DNAI1: variants seen among roughly 807,000 people sequenced by gnomAD.
The protein encoded by DNAI1 is dynein axonemal intermediate chain 1, also known as dynein, axonemal, intermediate polypeptide 1.
In DNAI1, 67 loss-of-function variants were observed where a neutral mutation model predicts 92.0. The ratio of observed to expected loss-of-function variants is 0.73; its 90% CI spans 0.60 to 0.89. The LOEUF is 0.89. DNAI1 is among the 40% of genes least tolerant of loss of function. The pLI is 0.00. For synonymous variants in DNAI1, 323 were observed against 319.6 expected (o/e 1.01, Z -0.11); for missense variants, 839 against 866.6 (o/e 0.97, Z 0.40).
At chr9:34,470,583 A>T (rs1824118003) in intron 1 of DNAI1, among the ~76,000 whole-genome samples, 1 of 152,222 alleles carries the variant, frequency 6.6e-6, no homozygotes, top group African/African-American at 2.4e-5. Flanking sequence ...ATGCCTCAAG[A>T]TATAAGAATC....
chr9:34,464,104 A>G (rs542865805), intron 1 of DNAI1, among the ~76,000 whole-genome samples: 2 of 152,168 alleles, frequency 1.3e-5, no homozygotes, highest in African/African-American at 4.8e-5. Context: ...TTTCATATAC[A>G]CTGCCACCTC....
At chr9:34,493,731 A>G (rs1231325206) in intron 9 of DNAI1, among the ~76,000 whole-genome samples, 1 of 152,168 alleles carries the variant, frequency 6.6e-6, no homozygotes, top group Non-Finnish European at 1.5e-5. Context: ...TTTCACTTTC[A>G]GTACTTGGGT....
chr9:34,490,134 A>G lies in DNAI1; in HGVS notation c.501+10A>G, dbSNP rs765805502. ...TGTGCCTGCAGCTGGGGTACAGTAT[A>G]ATATCGCTCTGTGTCCCTCTTCTTC... On this transcript the variant is annotated intron_variant, in intron 6 of 19. Transcript: ENST00000242317. The G allele has an allele frequency of 2.5e-6, 4 of 1,613,790 alleles. No homozygotes were observed. The highest frequency in any genetic ancestry group is 3.4e-6 in the Non-Finnish European group (4 of 1,179,874).
At chr9:34,493,383 C>T (rs1286911622) in intron 9 of DNAI1, 55 bp downstream of exon 9, 3 of 1,612,550 alleles carry the variant, frequency 1.9e-6, no homozygotes, top group Non-Finnish European at 2.5e-6. Context: ...AGGCCTTGGC[C>T]TCTGGGTAGA....
intron 1 of DNAI1, among the ~76,000 whole-genome samples, chr9:34,479,538 T>C (rs893940683): frequency 6.6e-6 from 1 of 152,216 alleles, no homozygotes; most frequent in Non-Finnish European, 1.5e-5. Context: ...GTCAGTTCTT[T>C]TATTGCCAGA....
intron 1 of DNAI1, among the ~76,000 whole-genome samples, chr9:34,473,476 G>A (rs1247038811): frequency 6.6e-6 from 1 of 151,962 alleles, no homozygotes. Context: ...ATTTTTAGTA[G>A]AGACAGGGTT....
intron 7 of DNAI1, 55 bp from the exon 8 acceptor site, chr9:34,491,440 T>C: frequency 1.3e-6 from 2 of 1,591,170 alleles, no homozygotes; most frequent in Non-Finnish European, 1.7e-6. Flanking sequence ...ACTGTTGGAT[T>C]AAGTGAGAAG....
In DNAI1 at chr9:34,489,572, G is replaced by A. The variant is rs539659348; in HGVS notation, c.388+123G>A. 27 of 1,234,934 alleles carry A rather than the reference G, an allele frequency of 2.2e-5. No homozygotes were observed. In the East Asian group the frequency reaches 3.2e-4, roughly 15 times the overall value. The allele number at this position is 1,234,934 out of a possible 1,614,324, so 76.5% of individuals were successfully genotyped here. On this transcript the variant is annotated intron_variant, in intron 5 of 19. Transcript: ENST00000242317. Reference sequence around the variant, plus strand: ...CTTCTGCTAACATAAACTCCAGGCCGGGCAGGGTGGTTCTTGCCTATAATC... The same window carrying A: ...CTTCTGCTAACATAAACTCCAGGCCAGGCAGGGTGGTTCTTGCCTATAATC...
intron 7 of DNAI1, 37 bp from the exon 8 acceptor site, chr9:34,491,455 TGAG>T (rs1824589361): frequency 6.2e-7 from 1 of 1,611,516 alleles, no homozygotes; most frequent in Non-Finnish European, 8.5e-7. Context: ...GAGAAGGAGT[TGAG>T]GGCTTTTTGT....
At chr9:34,494,871 A>G (rs1009785900) in intron 9 of DNAI1, among the ~76,000 whole-genome samples, 1 of 152,202 alleles carries the variant, frequency 6.6e-6, no homozygotes, top group Non-Finnish European at 1.5e-5. Context: ...GGCAATAATT[A>G]GAAATCCCAA....
intron 16 of DNAI1, 102 bp downstream of exon 16, chr9:34,513,293 C>A: frequency 1.0e-6 from 1 of 953,094 alleles, no homozygotes; most frequent in South Asian, 1.3e-5. Context: ...TTTTAGTTCC[C>A]GTCAGTTCTA....
At chr9:34,459,450 CTT>C (rs373407715) in intron 1 of DNAI1, among the ~76,000 whole-genome samples, 2 of 138,178 alleles carry the variant, frequency 1.4e-5, no homozygotes, top group Admixed American at 7.3e-5. Flanking sequence ...TTCTTTCTTT[CTT>C]TTTTTTTTTT....
chr9:34,491,358 C>G, intron 7 of DNAI1, 137 bp from the exon 8 acceptor site: 1 of 826,868 alleles, frequency 1.2e-6, no homozygotes, highest in South Asian at 1.4e-5. Context: ...TCACCCAAGC[C>G]CCTCTTTACT....
At chr9:34,489,200 TGGTGA>T in intron 4 of DNAI1, 118 bp from the exon 5 acceptor site, 1 of 1,144,838 alleles carries the variant, frequency 8.7e-7, no homozygotes, top group Non-Finnish European at 1.3e-6. Flanking sequence ...ACTGAGGATT[TGGTGA>T]GTTACATTTC....
At chr9:34,505,370 C>T (rs1346926488) in intron 12 of DNAI1, among the ~76,000 whole-genome samples, 3 of 152,138 alleles carry the variant, frequency 2.0e-5, no homozygotes, top group Non-Finnish European at 2.9e-5. Flanking sequence ...GACTCTCCTG[C>T]CTCCCTCTTT....
chr9:34,488,792 TG>T (rs1291203905), intron 4 of DNAI1, among the ~76,000 whole-genome samples: 3 of 152,248 alleles, frequency 2.0e-5, no homozygotes, highest in Non-Finnish European at 4.4e-5. Flanking sequence ...AGCCTAATCC[TG>T]CTTCTCATTT....
At chr9:34,493,508 G>A (rs565974519) in intron 9 of DNAI1, among the ~76,000 whole-genome samples, 180 bp downstream of exon 9, 28 of 152,284 alleles carry the variant, frequency 1.8e-4, no homozygotes, top group Non-Finnish European at 3.8e-4. Context: ...ACTGCCTCTA[G>A]CATTCCATAC....
intron 12 of DNAI1, 62 bp from the exon 13 acceptor site, chr9:34,506,565 G>A: frequency 1.2e-6 from 2 of 1,610,630 alleles, no homozygotes; most frequent in Non-Finnish European, 1.7e-6. Context: ...TAGGGGTGAG[G>A]GGGCTTCTCC....
chr9:34,493,839 C>T (rs183268773), intron 9 of DNAI1, among the ~76,000 whole-genome samples: 10 of 152,210 alleles, frequency 6.6e-5, no homozygotes, highest in Middle Eastern at 3.4e-3. Context: ...GATTTGGCCA[C>T]CCTGGGCTAG....
Sources: allele counts gnomAD v4.1 joint callset (sites outside exome capture counted in the v4.1 genomes callset), GRCh38; gene constraint gnomAD v4.1.1; transcripts MANE v1.5; gene names NCBI Gene and HGNC (gene_info 2026-07-23, HGNC 2026-07-21).